The following GPC6 variants were observed in gnomAD, a reference collection of about 807,000 sequenced individuals.
GPC6 encodes the protein glypican-6.
A neutral mutation model predicts 55.2 loss-of-function variants in GPC6; 14 were observed. The observed-to-expected ratio is 0.25, with a 90% CI of 0.17 to 0.40. The LOEUF (loss-of-function observed/expected upper bound fraction) is 0.40, where lower values mean the gene tolerates loss of function less well. Ranked by LOEUF, GPC6 falls within the 10% of genes least tolerant of loss-of-function variation. The pLI, the probability that GPC6 is intolerant of heterozygous loss-of-function variation, is 1.00. For synonymous variants in GPC6, 278 were observed against 259.6 expected, an observed-to-expected ratio of 1.07 and a Z score of -0.68; for missense variants, 641 against 708.5, an observed-to-expected ratio of 0.90 and a Z score of 1.08.
chr13:93,426,020 G>C (rs1250478614), intron 1 of GPC6, among the ~76,000 whole-genome samples: 1 of 152,130 alleles, frequency 6.6e-6, no homozygotes, highest in African/African-American at 2.4e-5. Flanking sequence ...ACCTCTCCCA[G>C]GTTGGGCTAA....
At chr13:94,094,062 C>A (rs1257466494) in intron 4 of GPC6, among the ~76,000 whole-genome samples, 1 of 5,704 alleles carries the variant, frequency 1.8e-4, no homozygotes, top group Non-Finnish European at 9.5e-4. Flanking sequence ...CTGCCTTTTT[C>A]GAAATGAATT....
intron 1 of GPC6, among the ~76,000 whole-genome samples, chr13:93,238,303 T>A (rs1423424791): frequency 6.6e-6 from 1 of 151,884 alleles, no homozygotes; most frequent in African/African-American, 2.4e-5. Context: ...ATATATTCCT[T>A]ATACTTTAAA....
intron 1 of GPC6, among the ~76,000 whole-genome samples, chr13:93,432,545 A>G (rs572737443): frequency 2.2e-4 from 33 of 152,160 alleles, no homozygotes; most frequent in Non-Finnish European, 4.3e-4. Flanking sequence ...TCTTTCTGAA[A>G]CATTTTAATA....
intron 1 of GPC6, among the ~76,000 whole-genome samples, chr13:93,456,483 C>T (rs1353439963): frequency 6.6e-6 from 1 of 151,776 alleles, no homozygotes; most frequent in African/African-American, 2.4e-5. Flanking sequence ...TTAGTTGTTC[C>T]CTCCTCTCCC....
chr13:94,099,505 C>T (rs1042019301), intron 4 of GPC6, among the ~76,000 whole-genome samples: 6 of 152,014 alleles, frequency 3.9e-5, no homozygotes, highest in African/African-American at 1.4e-4. Context: ...TAAGCTAATC[C>T]CCCAGTGTGA....
intron 4 of GPC6, chr13:94,187,429 TA>T (rs766572855): frequency 6.6e-6 from 1 of 152,184 alleles, no homozygotes; most frequent in African/African-American, 2.4e-5. Context: ...CGTAACCCAA[TA>T]TTTTTTTAGC....
intron 4 of GPC6, among the ~76,000 whole-genome samples, chr13:94,284,568 G>A (rs963265767): frequency 1.3e-5 from 2 of 151,182 alleles, no homozygotes. Flanking sequence ...AAAAATATAA[G>A]CCCCAAAACA....
chr13:94,159,327 C>G (rs1419498971), intron 4 of GPC6, among the ~76,000 whole-genome samples: 1 of 152,146 alleles, frequency 6.6e-6, no homozygotes, highest in Non-Finnish European at 1.5e-5. Context: ...GAAGACATAT[C>G]TAAGACTGGG....
intron 1 of GPC6, among the ~76,000 whole-genome samples, chr13:93,237,594 GTT>G (rs1876283436): frequency 6.6e-6 from 1 of 151,974 alleles, no homozygotes; most frequent in South Asian, 2.1e-4. Context: ...ATGTATTTTT[GTT>G]TTTATTTCAT....
chr13:93,662,890 G>A (rs1411417326), intron 2 of GPC6, among the ~76,000 whole-genome samples: 1 of 152,008 alleles, frequency 6.6e-6, no homozygotes, highest in East Asian at 1.9e-4. Flanking sequence ...CTAGGCATGT[G>A]CCCTGATTAC....
At chr13:93,826,589 A>G (rs531750778) in intron 2 of GPC6, among the ~76,000 whole-genome samples, 38 of 152,316 alleles carry the variant, frequency 2.5e-4, no homozygotes, top group Admixed American at 1.8e-3. Flanking sequence ...AGCACAGAAC[A>G]TGTTTATCTA....
intron 1 of GPC6, among the ~76,000 whole-genome samples, chr13:93,339,675 G>T (rs962038345): frequency 9.9e-5 from 15 of 152,184 alleles, no homozygotes; most frequent in African/African-American, 3.6e-4. Flanking sequence ...AAATGGTTTT[G>T]CAAGTTGTAC....
chr13:94,146,809 C>A (rs72645955), intron 4 of GPC6, among the ~76,000 whole-genome samples: 163 of 152,256 alleles, frequency 1.1e-3, no homozygotes, highest in Admixed American at 1.6e-3. Flanking sequence ...GATCCGAAAG[C>A]ATTTAGATAA....
At chr13:93,356,339 A>C (rs1434314124) in intron 1 of GPC6, among the ~76,000 whole-genome samples, 1 of 152,220 alleles carries the variant, frequency 6.6e-6, no homozygotes, top group Non-Finnish European at 1.5e-5. Context: ...ATTTTCTTGA[A>C]CAAGGAACAA....
At chr13:94,164,891 T>C (rs1888297183) in intron 4 of GPC6, among the ~76,000 whole-genome samples, 1 of 152,114 alleles carries the variant, frequency 6.6e-6, no homozygotes, top group Non-Finnish European at 1.5e-5. Flanking sequence ...TTAATATAGA[T>C]AGGATTTAGA....
rs71736430 is a variant in GPC6, at chr13:93,744,528, CT to C, written c.320-85600del. Among the ~76,000 whole-genome samples, 765 of 97,118 alleles carry C rather than the reference CT, an allele frequency of 7.9e-3. 10 individuals carry two copies. Among genetic ancestry groups the C allele is most frequent in the African/African-American group, 0.032 (712 of 22,306 alleles). The allele number at this position is 97,118 out of a possible 152,430, so 63.7% of individuals were successfully genotyped here. Reference sequence around the variant, plus strand: ...TTCCTCCAAACCTGCTTTCCCTAGTCTTTTTTTTTTTTTTTTTTTTTTTTTT... The same window carrying C: ...TTCCTCCAAACCTGCTTTCCCTAGTCTTTTTTTTTTTTTTTTTTTTTTTTT... On this transcript the variant is annotated intron_variant, in intron 2 of 8. Coordinates refer to ENST00000377047, the MANE Select transcript of GPC6 (RefSeq NM_005708.5).
rs1465919719 is a variant in GPC6 at position 94,372,566 on chromosome 13, C to G, written c.1153-9848C>G. Among the ~76,000 whole-genome samples the G allele has an allele frequency of 4.0e-5, 6 of 150,516 alleles. No homozygotes were observed. The South Asian group carries it at 1.1e-3, about 26-fold the overall frequency. ...CGCACCTGGCTCGGAGGGTCCTACG[C>G]CCACGGAGTCTCGCTGATTGCTAGC... On this transcript the variant is annotated intron_variant, in intron 6 of 8. Transcript: ENST00000377047.
intron 2 of GPC6, among the ~76,000 whole-genome samples, chr13:93,660,821 G>C (rs777348971): frequency 3.3e-5 from 5 of 152,182 alleles, no homozygotes; most frequent in Non-Finnish European, 4.4e-5. Context: ...GAAGGGACTT[G>C]ACAGGTGCTG....
intron 4 of GPC6, among the ~76,000 whole-genome samples, chr13:94,089,387 C>T (rs7323982): frequency 0.79 from 119,922 of 151,532 alleles, 47,770 homozygotes; most frequent in South Asian, 0.88. Flanking sequence ...CTGCTCATAA[C>T]CTTTTGGCTG....
Sources: gnomAD v4.1 joint callset for allele counts (sites outside exome capture counted in the v4.1 genomes callset) on GRCh38, gnomAD v4.1.1 for gene constraint, MANE v1.5 for transcripts, NCBI Gene and HGNC (gene_info 2026-07-23, HGNC 2026-07-21) for gene names.